Variants in HDHD5 observed in about 807,000 individuals in gnomAD.
HDHD5 encodes haloacid dehalogenase-like hydrolase domain-containing 5.
HDHD5 carries 34 observed loss-of-function variants against 35.5 expected under a neutral mutation model. The ratio of observed to expected loss-of-function variants is 0.96; its 90% CI spans 0.73 to 1.28. The LOEUF is 1.28. Among genes scored for constraint, HDHD5 ranks in the 50% most tolerant of loss-of-function variants. HDHD5 has a pLI of 0.00. For missense variants in HDHD5, 589 were observed against 560.2 expected (o/e 1.05, Z -0.52); for synonymous variants, 248 against 240.6 (o/e 1.03, Z -0.29).
chr22:17,165,218 G>C, exon 1 of HDHD5: 1 of 777,782 alleles, frequency 1.3e-6, no homozygotes, highest in Non-Finnish European at 2.4e-6. Context: ...CCTGAGAGAA[G>C]CTGGGAAGAA....
intron 6 of HDHD5, among the ~76,000 whole-genome samples, chr22:17,140,661 C>T (rs1256478288): frequency 1.3e-5 from 2 of 152,022 alleles, no homozygotes; most frequent in Non-Finnish European, 2.9e-5. Flanking sequence ...TAAAAGGAAA[C>T]CAGAAAGTCA....
chr22:17,162,683 G>C (rs1366464095), upstream of HDHD5, among the ~76,000 whole-genome samples: 2 of 152,154 alleles, frequency 1.3e-5, no homozygotes, highest in African/African-American at 4.8e-5. Context: ...AGATTCTCTG[G>C]GTTCATAAGC....
intron 7 of HDHD5, 79 bp from the exon 8 acceptor site, chr22:17,138,436 A>G: frequency 6.4e-7 from 1 of 1,558,666 alleles, no homozygotes; most frequent in Non-Finnish European, 8.7e-7. Flanking sequence ...GGGAGCAGAG[A>G]AGAGTTTCGG....
intron 1 of HDHD5, chr22:17,158,908 C>G (rs2061834155): frequency 2.9e-6 from 1 of 346,840 alleles, no homozygotes; most frequent in Non-Finnish European, 4.9e-6. Flanking sequence ...CGAGCGCTCT[C>G]CCGCGGGAGT....
intron 1 of HDHD5, 133 bp downstream of exon 1, chr22:17,158,993 G>T: frequency 1.2e-6 from 1 of 822,190 alleles, no homozygotes; most frequent in South Asian, 6.1e-5. Flanking sequence ...CGATGCACTC[G>T]GGCGCGACGA....
Position 17,143,222 on chromosome 22 carries a change from G to A in HDHD5, c.538-91C>T, listed in dbSNP as rs1174532433. ...CACCTCCAGGGTGCTGGGAGGGGAG[G>A]GGAGACACACTCCACAGACCCCACA... On this transcript the variant is annotated intron_variant, in intron 4 of 7. Transcript: ENST00000336737. 5.7e-5 allele frequency: 80 copies of A among 1,405,980 alleles called. No homozygotes were observed. The East Asian group carries it at 1.6e-3, about 28-fold the overall frequency. The allele number at this position is 1,405,980 out of a possible 1,614,324, so 87.1% of individuals were successfully genotyped here.
chr22:17,146,254 C>T (rs567768607), intron 3 of HDHD5, among the ~76,000 whole-genome samples: 2 of 152,244 alleles, frequency 1.3e-5, no homozygotes, highest in South Asian at 4.1e-4. Context: ...AAGCCACAGG[C>T]AACTCCTGCC....
At chr22:17,153,898 T>A (rs746795646) in intron 1 of HDHD5, among the ~76,000 whole-genome samples, 28 of 152,060 alleles carry the variant, frequency 1.8e-4, no homozygotes, top group Admixed American at 9.2e-4. Context: ...ACTGGGTGAT[T>A]CCAACACTTT....
At chr22:17,160,253 C>T (rs1230931867), upstream of HDHD5, among the ~76,000 whole-genome samples, 1 of 152,128 alleles carries the variant, frequency 6.6e-6, no homozygotes, top group African/African-American at 2.4e-5. Flanking sequence ...TGGCTCACCC[C>T]TGTAATCCCA....
chr22:17,147,434 T>C (rs57637910), intron 3 of HDHD5, among the ~76,000 whole-genome samples: 2 of 122,626 alleles, frequency 1.6e-5, no homozygotes, highest in Admixed American at 9.8e-5. Flanking sequence ...CCTGTGAGCT[T>C]ACCGGCCTTC....
rs751646054 is a variant in HDHD5 at position 17,138,056 on chromosome 22, G to A, written c.1237C>T (p.Leu413=). The change falls in exon 8 of 8, where the codon CTG becomes TTG. Residue 413 remains leucine (L), a synonymous_variant. Transcript: ENST00000336737. The part of the protein sequence containing the change: ...VVNDVNEAVQ[L]VFRKEGWALE ...GCCCAGCCCTCCTTGCGGAAGACCA[G>A]CTGCACAGCCTCATTCACGTCATTC... 5.0e-6 allele frequency: 8 copies of A among 1,613,388 alleles called. No homozygotes were observed. The East Asian group carries it at 1.6e-4, about 31-fold the overall frequency.
At chr22:17,160,793 C>T (rs1568956004), upstream of HDHD5, among the ~76,000 whole-genome samples, 1 of 152,204 alleles carries the variant, frequency 6.6e-6, no homozygotes, top group Admixed American at 6.5e-5. Flanking sequence ...GTCAGTCAAA[C>T]TCACAATAGC....
chr22:17,145,939 T>TC (rs2061657483), intron 3 of HDHD5, among the ~76,000 whole-genome samples: 1 of 152,102 alleles, frequency 6.6e-6, no homozygotes, highest in Non-Finnish European at 1.5e-5. Flanking sequence ...TCCTCTAAGA[T>TC]CTGCCTCCAT....
chr22:17,159,268 G>C lies in HDHD5; in HGVS notation c.-17C>G. The C allele has an allele frequency of 8.1e-7, 1 of 1,227,744 alleles. No homozygotes were observed. Among genetic ancestry groups the C allele is most frequent in the Non-Finnish European group, 1.0e-6 (1 of 982,890 alleles). The allele number at this position is 1,227,744 out of a possible 1,614,324, so 76.1% of individuals were successfully genotyped here. A position where few individuals can be genotyped will look rare whatever the true frequency, so the allele number is the denominator to read the frequency against. Reference sequence around the variant, plus strand: ...CGCAGCCATCCGGCCGTCGCCGTGCGCACGTGCACGGCGTGCGGCCCCCCC... The same window carrying C: ...CGCAGCCATCCGGCCGTCGCCGTGCCCACGTGCACGGCGTGCGGCCCCCCC... On this transcript the variant is annotated 5_prime_UTR_variant, in exon 1 of 8. Transcript: ENST00000336737.
chr22:17,163,851 A>G (rs1460219904), upstream of HDHD5, among the ~76,000 whole-genome samples: 8 of 152,186 alleles, frequency 5.3e-5, no homozygotes, highest in Admixed American at 2.0e-4. Context: ...GCTTGAGGGC[A>G]GTGTCTCTCT....
intron 1 of HDHD5, among the ~76,000 whole-genome samples, chr22:17,164,656 A>G (rs2061881470): frequency 6.6e-6 from 1 of 152,224 alleles, no homozygotes; most frequent in African/African-American, 2.4e-5. Context: ...TGCACTTCCA[A>G]GGAGTCTCTT....
chr22:17,139,121 G>C (rs1418730653), intron 6 of HDHD5, among the ~76,000 whole-genome samples: 1 of 152,180 alleles, frequency 6.6e-6, no homozygotes, highest in Non-Finnish European at 1.5e-5. Context: ...TTGCCACTAG[G>C]TGTGAAAAAG....
Position 17,159,238 on chromosome 22 carries a change from C to A in HDHD5, c.14G>T (p.Gly5Val). Residue 5 changes from glycine (G) to valine (V), a missense_variant, in exon 1 of 8, where the codon GGC (glycine) becomes GTC (valine). Transcript: ENST00000336737. MAAW[G>V]CVAALGAARG... ...CGCCGCGCCGAGCGCAGCCACACAGCCCCACGCAGCCATCCGGCCGTCGCC... is the reference window on the plus strand; with the variant it reads ...CGCCGCGCCGAGCGCAGCCACACAGACCCACGCAGCCATCCGGCCGTCGCC... The A allele has an allele frequency of 7.8e-7, 1 of 1,282,346 alleles. No homozygotes were observed. The highest frequency in any genetic ancestry group is 2.1e-5 in the South Asian group (1 of 48,224). The allele number at this position is 1,282,346 out of a possible 1,614,324, so 79.4% of individuals were successfully genotyped here. A position where few individuals can be genotyped will look rare whatever the true frequency, so the allele number is the denominator to read the frequency against.
intron 5 of HDHD5, chr22:17,141,512 C>T (rs2061601168): frequency 2.4e-6 from 3 of 1,268,472 alleles, no homozygotes; most frequent in South Asian, 2.2e-5. Flanking sequence ...CAGCATGTCT[C>T]AGGGCTACTT....
Sources: allele counts gnomAD v4.1 joint callset (sites outside exome capture counted in the v4.1 genomes callset), GRCh38; gene constraint gnomAD v4.1.1; transcripts MANE v1.5; gene names NCBI Gene and HGNC (gene_info 2026-07-23, HGNC 2026-07-21).